SLC12A6: variants seen among roughly 807,000 people sequenced by gnomAD.
SLC12A6 encodes solute carrier family 12 member 6, also known as K-Cl cotransporter 3.
SLC12A6 carries 66 observed loss-of-function variants against 135.3 expected under a neutral mutation model. That is an observed-to-expected ratio of 0.49 (90% confidence interval 0.40 to 0.60). SLC12A6 has a LOEUF of 0.60. Among genes scored for constraint, SLC12A6 ranks in the 20% least tolerant of loss-of-function variants. SLC12A6 has a pLI of 0.00. For synonymous variants in SLC12A6, 513 were observed against 508.8 expected, an observed-to-expected ratio of 1.01 and a Z score of -0.11; for missense variants, 1,058 against 1,452.3, an observed-to-expected ratio of 0.73 and a Z score of 4.41.
At chr15:34,303,384 T>G (rs1158860958) in intron 2 of SLC12A6, among the ~76,000 whole-genome samples, 5 of 152,202 alleles carry the variant, frequency 3.3e-5, no homozygotes. Context: ...CTTTGAATAG[T>G]AAATGTGTCA....
chr15:34,259,168 C>T (rs562071861), intron 4 of SLC12A6, among the ~76,000 whole-genome samples: 4 of 151,984 alleles, frequency 2.6e-5, no homozygotes, highest in South Asian at 2.1e-4. Flanking sequence ...GGTGAAACCC[C>T]GTCTCTACTA....
Position 34,238,945 on chromosome 15 carries a change from G to A in SLC12A6, c.2632+20C>T. 6.2e-7 allele frequency: 1 copy of A among 1,602,140 alleles called. No homozygotes were observed. Among genetic ancestry groups the A allele is most frequent in the Non-Finnish European group, 8.6e-7 (1 of 1,168,986 alleles). The stretch of plus-strand genomic sequence containing the variant: ...ACCCTCGACTTGGGCCTTTAGGTTT[G>A]TATGAGAAATGGTTAGTACCAATAA... On this transcript the variant is annotated intron_variant, in intron 20 of 25. Coordinates refer to ENST00000354181, the MANE Select transcript of SLC12A6 (RefSeq NM_001365088.1).
At chr15:34,300,813 A>T (rs1160246048) in intron 2 of SLC12A6, among the ~76,000 whole-genome samples, 1 of 151,242 alleles carries the variant, frequency 6.6e-6, no homozygotes, top group Non-Finnish European at 1.5e-5. Flanking sequence ...AAAAAAAAAA[A>T]AAGAATGAGA....
At chr15:34,293,591 A>G (rs947004676) in intron 2 of SLC12A6, among the ~76,000 whole-genome samples, 5 of 152,216 alleles carry the variant, frequency 3.3e-5, no homozygotes, top group African/African-American at 9.7e-5. Flanking sequence ...GGCATGAGCC[A>G]TCGCGCCTAG....
chr15:34,263,438 A>C (rs549782392), intron 3 of SLC12A6, among the ~76,000 whole-genome samples: 7 of 152,270 alleles, frequency 4.6e-5, no homozygotes, highest in African/African-American at 1.4e-4. Context: ...GAGTTGAAAA[A>C]AGAAAAAAAA....
chr15:34,266,168 G>C (rs56388838), intron 3 of SLC12A6, among the ~76,000 whole-genome samples: 20,666 of 151,706 alleles, frequency 0.14, 1,535 homozygotes, highest in East Asian at 0.32. Context: ...ATAAAATCTA[G>C]ACATATACTA....
At chr15:34,307,769 T>C (rs1887834871) in intron 2 of SLC12A6, among the ~76,000 whole-genome samples, 1 of 152,062 alleles carries the variant, frequency 6.6e-6, no homozygotes, top group Non-Finnish European at 1.5e-5. Flanking sequence ...GAGAAGAAAG[T>C]TGAGATGAAG....
chr15:34,261,598 C>T (rs532779443), intron 3 of SLC12A6, among the ~76,000 whole-genome samples: 7 of 152,110 alleles, frequency 4.6e-5, no homozygotes, highest in East Asian at 1.9e-4. Context: ...TGCACCCAGC[C>T]GAGACTCTAC....
At chr15:34,324,829 T>C (rs574332044) in intron 2 of SLC12A6, among the ~76,000 whole-genome samples, 1 of 152,298 alleles carries the variant, frequency 6.6e-6, no homozygotes, top group African/African-American at 2.4e-5. Flanking sequence ...GAACACTGCT[T>C]TGCAAATTAT....
chr15:34,246,773 C>A (rs4238573), intron 13 of SLC12A6, among the ~76,000 whole-genome samples: 140,775 of 152,072 alleles, frequency 0.93, 66,198 homozygotes, highest in East Asian at 1. Flanking sequence ...CATCCTCCCA[C>A]GTGGCTGGGA....
Position 34,243,054 on chromosome 15 carries a change from C to T in SLC12A6, c.2043-833G>A, listed in dbSNP as rs192887170. Among the ~76,000 whole-genome samples, 1,004 of 152,172 alleles carry T rather than the reference C, an allele frequency of 6.6e-3. 6 individuals are homozygous for T. Among genetic ancestry groups the T allele is most frequent in the African/African-American group, 0.022 (934 of 41,542 alleles). ...GATTACAGGCATGTGCCACCATGCCCGGCTACTTTTGTATTTTTAGTAGAG... is the reference window on the plus strand; with the variant it reads ...GATTACAGGCATGTGCCACCATGCCTGGCTACTTTTGTATTTTTAGTAGAG... On this transcript the variant is annotated intron_variant, in intron 16 of 25. Coordinates refer to ENST00000354181, the MANE Select transcript of SLC12A6 (RefSeq NM_001365088.1).
At position 34,238,348 on chromosome 15, in the gene SLC12A6, TG is replaced by T; in HGVS notation, c.2685del (p.Asn895LysfsTer36). 6.2e-7 allele frequency: 1 copy of T among 1,614,034 alleles called. No homozygotes were observed. Among genetic ancestry groups the T allele is most frequent in the Non-Finnish European group, 8.5e-7 (1 of 1,179,864 alleles). ...AAHLALLVAK[N>X]ISFFPSNVEQ... ...TCCACATTGCTGGGAAAGAAGGAGA[TG>T]TTTTTAGCCACCAGCAGTGCAAGAT... On this transcript the variant is annotated frameshift_variant, in exon 21 of 26. Transcript: ENST00000354181. LOFTEE classifies it high-confidence loss of function.
Position 34,241,298 on chromosome 15 carries a change from G to C in SLC12A6, c.2202C>G (p.Ser734=), listed in dbSNP as rs1026169749. ...GCAAAGCAAACCGGGCTGCACTGAG[G>C]GACAGCCCACGGATACCATCACCCC... ...KEWGDGIRGL[S]LSAARFALLR... Residue 734 remains serine, a synonymous_variant, in exon 18 of 26, where the codon TCC becomes TCG. Coordinates refer to ENST00000354181, the MANE Select transcript of SLC12A6 (RefSeq NM_001365088.1). The C allele has an allele frequency of 4.3e-6, 7 of 1,610,150 alleles. No individual in the cohort carries two copies. The African/African-American group carries it at 5.3e-5, about 12-fold the overall frequency.
rs552753296 is a variant in SLC12A6 at position 34,335,801 on chromosome 15, G to T, written c.271+609C>A. ...AAGCTCAGAGAGAATAAATTACATG[G>T]GAATCAGGCCCTAAAAGCCTTTTCA... On this transcript the variant is annotated intron_variant, in intron 2 of 25. Transcript: ENST00000354181. 1.4e-3 allele frequency among the ~76,000 whole-genome samples: 219 copies of T among 152,260 alleles called. 1 individual carries two copies. Among genetic ancestry groups the T allele is most frequent in the African/African-American group, 5.0e-3 (206 of 41,542 alleles).
intron 2 of SLC12A6, among the ~76,000 whole-genome samples, chr15:34,310,799 TGTGTGTGTGTGTGTGTGTG>T (rs1888193342): frequency 3.2e-5 from 4 of 126,346 alleles, no homozygotes; most frequent in Non-Finnish European, 3.4e-5. Flanking sequence ...TGTGTGTGTG[TGTGTGTGTGTGTGTGTGTG>T]TCCCGTGTCC....
At chr15:34,313,277 G>T (rs776185107) in intron 2 of SLC12A6, among the ~76,000 whole-genome samples, 1 of 151,922 alleles carries the variant, frequency 6.6e-6, no homozygotes, top group Non-Finnish European at 1.5e-5. Flanking sequence ...CTATTCCAGT[G>T]AACACATAAA....
rs536592501 is a variant in SLC12A6, at chr15:34,269,979, T to C, written c.316+5366A>G. On this transcript the variant is annotated intron_variant, in intron 3 of 25. Coordinates refer to ENST00000354181, the MANE Select transcript of SLC12A6 (RefSeq NM_001365088.1). ...TATTATTGTTCCTTCATTTATTAGC[T>C]AGAATACCTCTATAAAAAGAGACAT... is the stretch of plus-strand genomic sequence containing the variant. Among the ~76,000 whole-genome samples, 3 of 152,182 alleles carry C rather than the reference T, an allele frequency of 2.0e-5. No individual in the cohort carries two copies. The South Asian group carries it at 6.2e-4, about 31-fold the overall frequency.
At chr15:34,241,696 G>A (rs79418895) in intron 17 of SLC12A6, among the ~76,000 whole-genome samples, 8,478 of 152,298 alleles carry the variant, frequency 0.056, 281 homozygotes, top group Non-Finnish European at 0.073. Flanking sequence ...AAAGTTCAAT[G>A]TGATCTTCTG....
intron 16 of SLC12A6, among the ~76,000 whole-genome samples, chr15:34,243,640 T>C (rs759054340): frequency 3.3e-5 from 5 of 152,156 alleles, no homozygotes; most frequent in Admixed American, 1.3e-4. Flanking sequence ...AGAGCTGAGA[T>C]TGGAATTTAG....
Sources: allele counts gnomAD v4.1 joint callset (sites outside exome capture counted in the v4.1 genomes callset), GRCh38; gene constraint gnomAD v4.1.1; transcripts MANE v1.5; gene names NCBI Gene and HGNC (gene_info 2026-07-23, HGNC 2026-07-21).